The following RNLS variants were observed in gnomAD, a reference collection of about 807,000 sequenced individuals.
The protein encoded by RNLS is renalase, FAD dependent amine oxidase.
Under a neutral mutation model 39.8 loss-of-function variants are expected in RNLS, and 39 were observed. The ratio of observed to expected loss-of-function variants is 0.98; its 90% CI spans 0.76 to 1.28. RNLS has a LOEUF of 1.28. RNLS is among the 50% of genes most tolerant of loss of function. The pLI, the probability that RNLS is intolerant of heterozygous loss-of-function variation, is 0.00. For missense variants in RNLS, 410 were observed against 413.3 expected (o/e 0.99, Z 0.07); for synonymous variants, 147 against 150.7 (o/e 0.98, Z 0.18).
chr10:88,502,892 T>C (rs187158664), intron 4 of RNLS, among the ~76,000 whole-genome samples: 16 of 152,216 alleles, frequency 1.1e-4, no homozygotes, highest in African/African-American at 3.9e-4. Context: ...AATGAAAATA[T>C]AGGGAGAGAG....
chr10:88,512,227 C>A (rs777088691), intron 4 of RNLS, among the ~76,000 whole-genome samples: 2 of 151,972 alleles, frequency 1.3e-5, no homozygotes, highest in African/African-American at 2.4e-5. Flanking sequence ...AAGGAAGATG[C>A]GATTTAGAGA....
chr10:88,357,592 C>T (rs936288666), intron 5 of RNLS, among the ~76,000 whole-genome samples: 17 of 152,124 alleles, frequency 1.1e-4, no homozygotes, highest in African/African-American at 4.1e-4. Context: ...ACAATTTATA[C>T]TAAATGTTTT....
the RNLS span, among the ~76,000 whole-genome samples, chr10:88,230,556 G>A: frequency 1.3e-5 from 2 of 152,004 alleles, no homozygotes; most frequent in Non-Finnish European, 2.9e-5. Context: ...TTTCCACAGC[G>A]TACATCTACT....
At chr10:88,408,679 A>T (rs1853450717) in intron 4 of RNLS, among the ~76,000 whole-genome samples, 1 of 151,940 alleles carries the variant, frequency 6.6e-6, no homozygotes, top group Non-Finnish European at 1.5e-5. Context: ...TTTATTTGGA[A>T]TTTTTTTTGG....
chr10:88,208,109 A>C, the RNLS span, among the ~76,000 whole-genome samples: 1 of 152,112 alleles, frequency 6.6e-6, no homozygotes, highest in African/African-American at 2.4e-5. Context: ...CTGTCTCTCT[A>C]TAGGCGAATT....
At chr10:88,572,820 T>C (rs1233180723) in intron 4 of RNLS, 83 bp downstream of exon 4, 3 of 1,408,080 alleles carry the variant, frequency 2.1e-6, no homozygotes, top group Non-Finnish European at 2.9e-6. Context: ...ACTTGTCCTT[T>C]GCGAAGAGAG....
the RNLS span, among the ~76,000 whole-genome samples, chr10:88,218,137 T>C: frequency 1.8e-4 from 28 of 152,366 alleles, no homozygotes; most frequent in East Asian, 5.2e-3. Context: ...TGGGGCTAAC[T>C]GATGCCACCT....
chr10:88,230,286 A>C, the RNLS span, among the ~76,000 whole-genome samples: 1 of 152,158 alleles, frequency 6.6e-6, no homozygotes, highest in Non-Finnish European at 1.5e-5. Context: ...TGCAGGTAAC[A>C]ACCAATTTTT....
chr10:88,485,402 T>C (rs892787523), intron 4 of RNLS, among the ~76,000 whole-genome samples: 3 of 151,798 alleles, frequency 2.0e-5, no homozygotes, highest in African/African-American at 4.8e-5. Flanking sequence ...TGGATATCCA[T>C]ATAAAAATAT....
At chr10:88,242,240 T>C in the RNLS span, among the ~76,000 whole-genome samples, 1 of 152,356 alleles carries the variant, frequency 6.6e-6, no homozygotes, top group African/African-American at 2.4e-5. Context: ...TCTTCCTCCC[T>C]TGTCAATATG....
At chr10:88,552,235 A>G (rs1334649914) in intron 4 of RNLS, among the ~76,000 whole-genome samples, 1 of 152,200 alleles carries the variant, frequency 6.6e-6, no homozygotes, top group Non-Finnish European at 1.5e-5. Context: ...ACTGGTAAGA[A>G]AGGCAGAAGA....
At chr10:88,565,557 T>C (rs980620004) in intron 4 of RNLS, among the ~76,000 whole-genome samples, 1 of 152,110 alleles carries the variant, frequency 6.6e-6, no homozygotes. Flanking sequence ...CAATTCTGAA[T>C]TGAGTCAGCT....
chr10:88,547,027 G>C (rs1409364253), intron 4 of RNLS, among the ~76,000 whole-genome samples: 1 of 152,144 alleles, frequency 6.6e-6, no homozygotes, highest in Non-Finnish European at 1.5e-5. Flanking sequence ...TAAATTGATA[G>C]TATGTGCCTG....
chr10:88,215,859 C>T, the RNLS span, among the ~76,000 whole-genome samples: 1 of 152,066 alleles, frequency 6.6e-6, no homozygotes, highest in African/African-American at 2.4e-5. Flanking sequence ...GCCACCATGC[C>T]AGGCTAATTT....
At chr10:88,307,942 T>A (rs1003614647) in intron 6 of RNLS, among the ~76,000 whole-genome samples, 2 of 151,964 alleles carry the variant, frequency 1.3e-5, no homozygotes, top group South Asian at 4.1e-4. Flanking sequence ...AACAGACACA[T>A]AGCCCAATGG....
At chr10:88,364,156 A>G (rs1036868943) in intron 4 of RNLS, among the ~76,000 whole-genome samples, 2 of 152,176 alleles carry the variant, frequency 1.3e-5, no homozygotes, top group African/African-American at 4.8e-5. Context: ...AGAGAAGGTC[A>G]TAGTTCTGTT....
chr10:88,434,172 A>C (rs1326949170), intron 4 of RNLS, among the ~76,000 whole-genome samples: 4 of 152,294 alleles, frequency 2.6e-5, no homozygotes, highest in African/African-American at 9.6e-5. Context: ...ATCTTTTGCA[A>C]ACCTAAGGGC....
intron 4 of RNLS, among the ~76,000 whole-genome samples, chr10:88,393,697 A>G (rs1437682622): frequency 6.6e-6 from 1 of 152,194 alleles, no homozygotes; most frequent in East Asian, 1.9e-4. Flanking sequence ...AACTACTTTA[A>G]AGTTCATATG....
intron 4 of RNLS, among the ~76,000 whole-genome samples, chr10:88,453,502 G>T (rs544613089): frequency 6.6e-6 from 1 of 152,274 alleles, no homozygotes; most frequent in Non-Finnish European, 1.5e-5. Context: ...GCTCCCTTCA[G>T]CCCAATCCAG....
Sources: gnomAD v4.1 joint callset for allele counts (sites outside exome capture counted in the v4.1 genomes callset) on GRCh38, gnomAD v4.1.1 for gene constraint, MANE v1.5 for transcripts, NCBI Gene and HGNC (gene_info 2026-07-23, HGNC 2026-07-21) for gene names.